Variants in RNLS observed in about 807,000 individuals in gnomAD.
RNLS encodes the protein renalase, FAD dependent amine oxidase, also known as renalase.
In RNLS, 39 loss-of-function variants were observed where a neutral mutation model predicts 39.8. The ratio of observed to expected loss-of-function variants is 0.98; its 90% CI spans 0.76 to 1.28. The LOEUF (loss-of-function observed/expected upper bound fraction) is 1.28. RNLS is among the 50% of genes most tolerant of loss of function. The pLI is 0.00. For synonymous variants in RNLS, 147 were observed against 150.7 expected, an observed-to-expected ratio of 0.98 and a Z score of 0.18; for missense variants, 410 against 413.3, an observed-to-expected ratio of 0.99 and a Z score of 0.07.
At chr10:88,442,416 A>T (rs1243698121) in intron 4 of RNLS, among the ~76,000 whole-genome samples, 4 of 152,232 alleles carry the variant, frequency 2.6e-5, no homozygotes, top group Admixed American at 6.5e-5. Context: ...GTTTAAAATT[A>T]AAAAATGGAT....
downstream of RNLS, chr10:88,273,722 C>T (rs1373444239): frequency 2.0e-5 from 3 of 152,118 alleles, no homozygotes; most frequent in African/African-American, 7.2e-5. Flanking sequence ...AGTTAGAAAA[C>T]ATGCTTTAAA....
intron 4 of RNLS, among the ~76,000 whole-genome samples, chr10:88,436,511 T>C (rs997479645): frequency 6.6e-6 from 1 of 152,194 alleles, no homozygotes; most frequent in African/African-American, 2.4e-5. Flanking sequence ...CACAATGATA[T>C]TTCTTAATCA....
At chr10:88,442,808 C>T (rs1432611283) in intron 4 of RNLS, among the ~76,000 whole-genome samples, 1 of 152,174 alleles carries the variant, frequency 6.6e-6, no homozygotes, top group Non-Finnish European at 1.5e-5. Flanking sequence ...TCAGCAGTCA[C>T]TTTTATGTTA....
chr10:88,371,976 T>A (rs1613409), intron 4 of RNLS, among the ~76,000 whole-genome samples: 137,810 of 152,186 alleles, frequency 0.91, 62,546 homozygotes, highest in Non-Finnish European at 0.92. Context: ...CAATCAATGC[T>A]TTAAGTGGCA....
chr10:88,439,096 GT>G (rs1198801308), intron 4 of RNLS, among the ~76,000 whole-genome samples: 1 of 151,990 alleles, frequency 6.6e-6, no homozygotes, highest in African/African-American at 2.4e-5. Flanking sequence ...ATTACATCTC[GT>G]TTTGTTTATT....
intron 4 of RNLS, among the ~76,000 whole-genome samples, chr10:88,506,742 C>G (rs1035452662): frequency 1.3e-5 from 2 of 152,002 alleles, no homozygotes; most frequent in Non-Finnish European, 2.9e-5. Context: ...TCATGCAACA[C>G]ATGCCTAGAA....
rs1283517356 is a variant in RNLS, at chr10:88,556,842, A to G, written c.526+16061T>C. ...TTCCTTGTCATTTTCTATTTCTCCTATCTTGTTTTCTCTTCCCTCAGCATG... is the reference window on the plus strand; with the variant it reads ...TTCCTTGTCATTTTCTATTTCTCCTGTCTTGTTTTCTCTTCCCTCAGCATG... On this transcript the variant is annotated intron_variant, in intron 4 of 6. Coordinates refer to ENST00000331772, the MANE Select transcript of RNLS (RefSeq NM_001031709.3). Among the ~76,000 whole-genome samples, 3 of 152,026 alleles carry G rather than the reference A, an allele frequency of 2.0e-5. No homozygotes were observed. The East Asian group carries it at 5.8e-4, about 29-fold the overall frequency.
At chr10:88,298,318 C>T (rs1384545777) in intron 6 of RNLS, among the ~76,000 whole-genome samples, 2 of 151,940 alleles carry the variant, frequency 1.3e-5, no homozygotes, top group African/African-American at 4.8e-5. Flanking sequence ...CTTTGATGAA[C>T]AAAAGTATTG....
the RNLS span, among the ~76,000 whole-genome samples, chr10:88,197,600 A>G: frequency 6.6e-6 from 1 of 152,238 alleles, no homozygotes; most frequent in Non-Finnish European, 1.5e-5. Flanking sequence ...TAATTTTTAA[A>G]GAAACCCAAT....
chr10:88,555,186 C>A (rs1848798287), intron 4 of RNLS, among the ~76,000 whole-genome samples: 1 of 151,966 alleles, frequency 6.6e-6, no homozygotes, highest in South Asian at 2.1e-4. Flanking sequence ...GTGAGAAACA[C>A]TGGTCTAAAC....
downstream of RNLS, among the ~76,000 whole-genome samples, chr10:88,282,790 C>G (rs1337228747): frequency 6.6e-6 from 1 of 152,114 alleles, no homozygotes; most frequent in Non-Finnish European, 1.5e-5. Context: ...AATTTGTCAC[C>G]CTTGCTGCCT....
chr10:88,276,966 G>C (rs1842832609), intron 6 of RNLS, among the ~76,000 whole-genome samples: 1 of 152,082 alleles, frequency 6.6e-6, no homozygotes, highest in African/African-American at 2.4e-5. Flanking sequence ...CATAAATTCT[G>C]GATCCTAACG....
chr10:88,309,546 A>AAACAAGGAAGTCTTT, intron 6 of RNLS: 1 of 981,006 alleles, frequency 1.0e-6, no homozygotes, highest in Non-Finnish European at 1.4e-6. Flanking sequence ...TTTAACTCCT[A>AAACAAGGAAGTCTTT]GCAGTACTAT....
At chr10:88,390,706 A>G (rs905066748) in intron 4 of RNLS, among the ~76,000 whole-genome samples, 10 of 152,142 alleles carry the variant, frequency 6.6e-5, no homozygotes, top group Non-Finnish European at 4.4e-5. Flanking sequence ...GATATTTTGG[A>G]AGTTTATGAG....
chr10:88,505,430 T>C (rs1845733898), intron 4 of RNLS, among the ~76,000 whole-genome samples: 1 of 150,652 alleles, frequency 6.6e-6, no homozygotes, highest in South Asian at 2.1e-4. Flanking sequence ...AGAGAAAAAC[T>C]GTGTGCATGT....
chr10:88,298,322 A>G (rs1844239888), intron 6 of RNLS, among the ~76,000 whole-genome samples: 1 of 152,164 alleles, frequency 6.6e-6, no homozygotes, highest in South Asian at 2.1e-4. Context: ...GATGAACAAA[A>G]GTATTGAATT....
chr10:88,275,100 A>G (rs1326261435), intron 6 of RNLS: 1 of 1,129,326 alleles, frequency 8.9e-7, no homozygotes, highest in Non-Finnish European at 1.3e-6. Flanking sequence ...CACCTTGTCT[A>G]CACTAATAGT....
intron 5 of RNLS, among the ~76,000 whole-genome samples, chr10:88,316,312 A>G (rs2133064443): frequency 6.6e-6 from 1 of 152,286 alleles, no homozygotes; most frequent in Admixed American, 6.5e-5. Context: ...AGAGGGAAGG[A>G]CTCAGGAGTG....
In RNLS at chr10:88,346,556, T is replaced by C. The variant is rs77662052; in HGVS notation, c.700+15996A>G. The stretch of plus-strand genomic sequence containing the variant: ...ATTTAAAGGGTAGTGGTAACAGACA[T>C]CTAGACTGTTTTAGAGATAAACAAT... On this transcript the variant is annotated intron_variant, in intron 5 of 6. Transcript: ENST00000331772. 8.4e-3 allele frequency among the ~76,000 whole-genome samples: 1,279 copies of C among 152,232 alleles called. 22 individuals carry two copies. The highest frequency in any genetic ancestry group is 0.03 in the South Asian group (144 of 4,828).
Sources: gnomAD v4.1 joint callset for allele counts (sites outside exome capture counted in the v4.1 genomes callset) on GRCh38, gnomAD v4.1.1 for gene constraint, MANE v1.5 for transcripts, NCBI Gene and HGNC (gene_info 2026-07-23, HGNC 2026-07-21) for gene names.